Variants in ABCB9 observed in about 807,000 individuals in gnomAD.
ABCB9 encodes the protein ATP binding cassette subfamily B member 9.
Under a neutral mutation model 62.0 loss-of-function variants are expected in ABCB9, and 36 were observed. The ratio of observed to expected loss-of-function variants is 0.58; its 90% confidence interval spans 0.45 to 0.77. The LOEUF (loss-of-function observed/expected upper bound fraction) is 0.77. Among genes scored for constraint, ABCB9 ranks in the 30% least tolerant of loss-of-function variants. The pLI is 0.00. For synonymous variants in ABCB9, 435 were observed against 461.4 expected (o/e 0.94, Z 0.73); for missense variants, 943 against 1,054.7 (o/e 0.89, Z 1.47).
At chr12:122,925,680 G>A (rs760373199), downstream of ABCB9, among the ~76,000 whole-genome samples, 4 of 152,090 alleles carry the variant, frequency 2.6e-5, no homozygotes, top group Non-Finnish European at 2.9e-5. Context: ...CCCGGGAGGC[G>A]GAGCTTGCAG....
At position 122,959,531 on chromosome 12, in the gene ABCB9, T is replaced by C; in HGVS notation, c.601+104A>G. On this transcript the variant is annotated intron_variant, in intron 2 of 11. Transcript: ENST00000280560. The surrounding 1 kb of genome is among the most constrained non-coding windows in gnomAD (Gnocchi z 5.4). ...TGGCCTCTTTTCCTTTTCATATCAA[T>C]TTGATGTCTGAACCACGTAAGTAAA... is the stretch of plus-strand genomic sequence containing the variant. 1 of 1,492,496 alleles carries C rather than the reference T, an allele frequency of 6.7e-7. No homozygotes were observed. Among genetic ancestry groups the C allele is most frequent in the Non-Finnish European group, 8.9e-7 (1 of 1,117,868 alleles). The allele number at this position is 1,492,496 out of a possible 1,614,324, so 92.5% of individuals were successfully genotyped here.
downstream of ABCB9, chr12:122,924,802 C>T (rs2034845869): frequency 6.5e-7 from 1 of 1,534,748 alleles, no homozygotes; most frequent in Non-Finnish European, 8.7e-7. Context: ...TCCTGGTTTA[C>T]CCAGCACACT....
At chr12:122,934,894 C>A (rs2035376804) in intron 10 of ABCB9, among the ~76,000 whole-genome samples, 1 of 152,026 alleles carries the variant, frequency 6.6e-6, no homozygotes, top group African/African-American at 2.4e-5. Context: ...ATCTCAGTGA[C>A]CTTTCCATAC....
chr12:122,919,268 G>T (rs2034689382), downstream of ABCB9, among the ~76,000 whole-genome samples: 1 of 152,088 alleles, frequency 6.6e-6, no homozygotes, highest in South Asian at 2.1e-4. Context: ...ACCTCCTTGA[G>T]CTCAAAGGAT....
upstream of ABCB9, among the ~76,000 whole-genome samples, chr12:122,970,499 C>T (rs531301673): frequency 1.1e-3 from 169 of 152,256 alleles, no homozygotes; most frequent in African/African-American, 3.7e-3. Context: ...CCACCTGCCT[C>T]GGCCTCCCAA....
At chr12:122,924,513 G>A, downstream of ABCB9, 2 of 933,888 alleles carry the variant, frequency 2.1e-6, no homozygotes, top group Non-Finnish European at 2.8e-6. Flanking sequence ...TACAGACATG[G>A]GCCTCTATGC....
Position 122,949,842 on chromosome 12 carries a change from G to A in ABCB9, c.793C>T (p.Leu265Phe), listed in dbSNP as rs1421594894. The A allele has an allele frequency of 6.2e-7, 1 of 1,614,250 alleles. No homozygotes were observed. The highest frequency in any genetic ancestry group is 1.7e-5 in the Admixed American group (1 of 60,032). The change falls in exon 4 of 12, where the codon CTC becomes TTC. Residue 265 changes from leucine to phenylalanine, a missense_variant. Leu to Phe is a conservative substitution (Grantham distance 22, BLOSUM62 0). Transcript: ENST00000280560. ...TCCTGGGACACCAGTGAGCGGAAGA[G>A]ACAGTTTCGAAGGCGAATGTTCAGT... ...ARLNIRLRNC[L>F]FRSLVSQETS... is the part of the protein sequence containing the mutation.
At chr12:122,967,014 G>A (rs530209388), upstream of ABCB9, among the ~76,000 whole-genome samples, 1 of 152,266 alleles carries the variant, frequency 6.6e-6, no homozygotes, top group Admixed American at 6.5e-5. Flanking sequence ...TTCTAGTGAG[G>A]GTGTCAGACA....
At chr12:122,957,981 C>A (rs2036694774) in intron 2 of ABCB9, among the ~76,000 whole-genome samples, 1 of 150,940 alleles carries the variant, frequency 6.6e-6, no homozygotes, top group South Asian at 2.1e-4. Context: ...ACTAGCCTGG[C>A]CAACATGGTG....
chr12:122,930,165 G>C lies in ABCB9; in HGVS notation c.2047C>G (p.Gln683Glu). The change falls in exon 12 of 12, where the codon CAG (glutamine) becomes GAG (glutamate). Residue 683 changes from glutamine to glutamate, a missense_variant. Transcript: ENST00000280560. This position sits in a 1 kb window ranked among gnomAD's most constrained non-coding sequence, Gnocchi z 4.9. ...TTCTGCAGGTTGCCATGGATGGCCT[G>C]CTGGATCTGCGGGGACAGTGGGGGC... ...LDAESEYLIQ[Q>E]AIHGNLQKHT... is the part of the protein sequence containing the mutation. 1 of 1,546,332 alleles carries C rather than the reference G, an allele frequency of 6.5e-7. No individual in the cohort carries two copies. The highest frequency in any genetic ancestry group is 1.2e-5 in the South Asian group (1 of 83,814).
downstream of ABCB9, among the ~76,000 whole-genome samples, chr12:122,919,818 C>T (rs1046742221): frequency 6.6e-6 from 1 of 152,114 alleles, no homozygotes; most frequent in African/African-American, 2.4e-5. Flanking sequence ...TAATGTGAGG[C>T]ACTGTCACTG....
chr12:122,948,884 G>C, intron 4 of ABCB9, 55 bp from the exon 5 acceptor site: 1 of 1,428,876 alleles, frequency 7.0e-7, no homozygotes, highest in Non-Finnish European at 9.2e-7. Flanking sequence ...TGGGGGTGGC[G>C]GTGGGGGATG....
At chr12:122,973,590 A>C (rs1303796493) in intron 1 of ABCB9, among the ~76,000 whole-genome samples, 12 of 142,122 alleles carry the variant, frequency 8.4e-5, no homozygotes, top group East Asian at 6.2e-4. Flanking sequence ...AAAAAAAAAA[A>C]AAAAAAAAAA....
rs757353116 is a variant in ABCB9, at chr12:122,950,439, T to C, written c.716+12A>G. ...GGTGTGCGGGGCAGGGCGTGGGGGT[T>C]GAGCCAGCTACCTGCCAATGGCCAG... On this transcript the variant is annotated intron_variant, in intron 3 of 11. Coordinates refer to ENST00000280560, the MANE Select transcript of ABCB9 (RefSeq NM_019625.4). 1 of 1,605,712 alleles carries C rather than the reference T, an allele frequency of 6.2e-7. No individual in the cohort carries two copies. Among genetic ancestry groups the C allele is most frequent in the South Asian group, 1.1e-5 (1 of 90,654 alleles).
chr12:122,942,874 A>T lies in ABCB9; in HGVS notation c.1380+1517T>A, dbSNP rs548676454. ...ACATACATCTTCGCCCACTGCTGTG[A>T]GTACTCTTGAAGCATGGATTCCTAG... is the stretch of plus-strand genomic sequence containing the variant. On this transcript the variant is annotated intron_variant, in intron 7 of 11. Coordinates refer to ENST00000280560, the MANE Select transcript of ABCB9 (RefSeq NM_019625.4). Among the ~76,000 whole-genome samples, 3 of 152,292 alleles carry T rather than the reference A, an allele frequency of 2.0e-5. No individual in the cohort carries two copies. In the South Asian group the frequency reaches 6.2e-4, roughly 32 times the overall value.
Position 122,947,420 on chromosome 12 carries a change from C to T in ABCB9, c.1054-1198G>A, listed in dbSNP as rs1370191519. 2.3e-6 allele frequency: 1 copy of T among 437,020 alleles called. No individual in the cohort carries two copies. The highest frequency in any genetic ancestry group is 4.6e-6 in the Non-Finnish European group (1 of 215,908). The allele number at this position is 437,020 out of a possible 1,614,324, so 27.1% of individuals were successfully genotyped here. A position where few individuals can be genotyped will look rare whatever the true frequency, so the allele number is the denominator to read the frequency against. ...GGTGGGAGATGGCTTCCTTTGCTAC[C>T]CTGGTCTCAGGTCACCAACACCAAA... On this transcript the variant is annotated intron_variant, in intron 5 of 11. Transcript: ENST00000280560. The surrounding 1 kb of genome is among the most constrained non-coding windows in gnomAD (Gnocchi z 6.0).
chr12:122,959,638 G>GGA lies in ABCB9; in HGVS notation c.597_598insTC (p.Leu200SerfsTer59). The GGA allele has an allele frequency of 6.4e-7, 1 of 1,555,172 alleles. No individual in the cohort carries two copies. Among genetic ancestry groups the GGA allele is most frequent in the Non-Finnish European group, 8.7e-7 (1 of 1,146,804 alleles). On this transcript the variant is annotated frameshift_variant, in exon 2 of 12. Transcript: ENST00000280560. LOFTEE classifies it high-confidence loss of function. The surrounding 1 kb of genome is among the most constrained non-coding windows in gnomAD (Gnocchi z 5.4). Reference sequence around the variant, plus strand: ...TGTCCCCGAGGTCCTTACTTACCCAGAGCTGCCACGATGAGGAAGAAGGAG... The same window carrying GGA: ...TGTCCCCGAGGTCCTTACTTACCCAGGAAGCTGCCACGATGAGGAAGAAGGAG...
chr12:122,921,755 A>G (rs888211193), intron 11 of ABCB9, among the ~76,000 whole-genome samples: 3 of 152,172 alleles, frequency 2.0e-5, no homozygotes, highest in Admixed American at 6.6e-5. Context: ...CTACCCTGGG[A>G]GACAGAGACT....
At position 122,940,090 on chromosome 12, in the gene ABCB9, G is replaced by C; in HGVS notation, c.1743+21C>G. 6.3e-7 allele frequency: 1 copy of C among 1,599,570 alleles called. No individual in the cohort carries two copies. Among genetic ancestry groups the C allele is most frequent in the Non-Finnish European group, 8.5e-7 (1 of 1,172,768 alleles). On this transcript the variant is annotated intron_variant, in intron 9 of 11. Coordinates refer to ENST00000280560, the MANE Select transcript of ABCB9 (RefSeq NM_019625.4). This position sits in a 1 kb window ranked among gnomAD's most constrained non-coding sequence, Gnocchi z 4.8. Reference sequence around the variant, plus strand: ...AGATGCAGAAAGGGCGGAGAAGTGTGGCCCAGGCCCGTGCACATACCACAC... The same window carrying C: ...AGATGCAGAAAGGGCGGAGAAGTGTCGCCCAGGCCCGTGCACATACCACAC...
Sources: allele counts gnomAD v4.1 joint callset (sites outside exome capture counted in the v4.1 genomes callset), GRCh38; gene constraint gnomAD v4.1.1; non-coding constraint Gnocchi (gnomAD v3.1); transcripts MANE v1.5; gene names NCBI Gene and HGNC (gene_info 2026-07-23, HGNC 2026-07-21).